NCKAP1: variants seen among roughly 807,000 people sequenced by gnomAD.
The protein encoded by NCKAP1 is nck-associated protein 1.
A neutral mutation model predicts 151.2 loss-of-function variants in NCKAP1; 21 were observed. The observed-to-expected ratio is 0.14, with a 90% CI of 0.10 to 0.20. The LOEUF (loss-of-function observed/expected upper bound fraction) is 0.20, where lower values mean the gene tolerates loss of function less well. Among genes scored for constraint, NCKAP1 ranks in the 10% least tolerant of loss-of-function variants. The pLI is 1.00. For missense variants in NCKAP1, 933 were observed against 1,352.1 expected, an observed-to-expected ratio of 0.69 and a Z score of 4.86; for synonymous variants, 484 against 451.8, an observed-to-expected ratio of 1.07 and a Z score of -0.90.
chr2:182,989,550 TA>T (rs997392856), intron 8 of NCKAP1, among the ~76,000 whole-genome samples: 1 of 152,126 alleles, frequency 6.6e-6, no homozygotes, highest in Non-Finnish European at 1.5e-5. Flanking sequence ...AACTTAAAAA[TA>T]AAGCTTATCT....
In NCKAP1 at chr2:182,942,150, T is replaced by G; in HGVS notation, c.2615A>C (p.Glu872Ala). Residue 872 changes from glutamate (E) to alanine (A), a missense_variant, in exon 24 of 31, where the codon GAG becomes GCG. Around this residue, in one of 2 missense-constraint regions of NCKAP1, gnomAD observed 326 missense variants for 557.1 expected, o/e 0.59. Coordinates refer to ENST00000361354, the MANE Select transcript of NCKAP1 (RefSeq NM_013436.5). The part of the protein sequence containing the change: ...QVAELKKLVV[E>A]NVDVLTQMRT... ...CATTTGTGTTAACACATCAACATTC[T>G]CCACCACAAGTTTCTAAAAAAAAAA... 1 of 1,611,970 alleles carries G rather than the reference T, an allele frequency of 6.2e-7. No individual in the cohort carries two copies. The highest frequency in any genetic ancestry group is 8.5e-7 in the Non-Finnish European group (1 of 1,178,812).
chr2:183,016,573 C>T (rs1698692386), intron 2 of NCKAP1, among the ~76,000 whole-genome samples: 1 of 152,154 alleles, frequency 6.6e-6, no homozygotes, highest in Non-Finnish European at 1.5e-5. Context: ...TATATTTATT[C>T]ATGATGCTGT....
chr2:183,025,732 C>T (rs1698882333), intron 1 of NCKAP1, among the ~76,000 whole-genome samples: 1 of 151,980 alleles, frequency 6.6e-6, no homozygotes, highest in Non-Finnish European at 1.5e-5. Context: ...AATATAATAG[C>T]TAAGAATAAT....
intron 30 of NCKAP1, 38 bp downstream of exon 30, chr2:182,926,778 A>G (rs1696656810): frequency 2.2e-6 from 3 of 1,370,560 alleles, no homozygotes; most frequent in Non-Finnish European, 3.0e-6. Context: ...AACGACTGGA[A>G]CTTTTTTATT....
chr2:183,001,568 T>C (rs1023780556), intron 6 of NCKAP1, among the ~76,000 whole-genome samples: 5 of 151,192 alleles, frequency 3.3e-5, no homozygotes, highest in African/African-American at 9.8e-5. Context: ...TATTATTCCA[T>C]TTTTACTGAT....
Position 182,921,389 on chromosome 2 carries a change from G to A in NCKAP1, c.*4313C>T, listed in dbSNP as rs549248307. The A allele has an allele frequency of 1.3e-5, 2 of 152,296 alleles. No homozygotes were observed. Among genetic ancestry groups the A allele is most frequent in the African/African-American group, 4.8e-5 (2 of 41,584 alleles). 9.4% of individuals were successfully genotyped at this position (152,296 alleles called of 1,614,324 possible). A position where few individuals can be genotyped will look rare whatever the true frequency, so the allele number is the denominator to read the frequency against. ...AGCCATTGGCATTTGGTCAGTATGT[G>A]TATGTAGTGTACTATGAATGTGACT... On this transcript the variant is annotated 3_prime_UTR_variant, in exon 31 of 31. Transcript: ENST00000361354.
At chr2:182,935,244 T>TA in intron 25 of NCKAP1, 49 bp downstream of exon 25, 1 of 1,248,476 alleles carries the variant, frequency 8.0e-7, no homozygotes, top group Non-Finnish European at 1.1e-6. Context: ...TCTGAGAAAT[T>TA]AAAAGGGATT....
chr2:183,023,764 A>G (rs768417201), intron 2 of NCKAP1, 42 bp downstream of exon 2: 14 of 1,468,768 alleles, frequency 9.5e-6, no homozygotes, highest in Non-Finnish European at 1.3e-5. Context: ...TTTCTCTAAA[A>G]GATGCTTAAA....
rs769578927 is a variant in NCKAP1 at position 182,967,412 on chromosome 2, G to A, written c.1483-51C>T. The A allele has an allele frequency of 3.6e-5, 54 of 1,483,012 alleles. No individual in the cohort carries two copies. The East Asian group carries it at 4.6e-4, about 13-fold the overall frequency. 91.9% of individuals were successfully genotyped at this position (1,483,012 alleles called of 1,614,324 possible). On this transcript the variant is annotated intron_variant, in intron 15 of 30. Transcript: ENST00000361354. ...AGTTCAGGTAAACATAAATGACTTC[G>A]GACTTGTCATTTTACAGGGGGAAAA...
chr2:183,032,176 A>G (rs1012120036), intron 1 of NCKAP1, among the ~76,000 whole-genome samples: 3 of 152,194 alleles, frequency 2.0e-5, no homozygotes, highest in Non-Finnish European at 4.4e-5. Context: ...CTCACTTTGT[A>G]AGTAACCTAC....
At chr2:182,928,309 T>A in intron 28 of NCKAP1, 83 bp from the exon 29 acceptor site, 2 of 936,386 alleles carry the variant, frequency 2.1e-6, no homozygotes, top group Non-Finnish European at 3.3e-6. Context: ...CTTCACAATC[T>A]GCATAAATAG....
Position 182,926,386 on chromosome 2 carries a change from G to A in NCKAP1, c.3270+430C>T, listed in dbSNP as rs73042175. ...TAACTCTAAGTGGGGAAAGAGCCAC[G>A]TGGTAGAAACAAGCAAGAGCTGGTT... On this transcript the variant is annotated intron_variant, in intron 30 of 30. Transcript: ENST00000361354. Among the ~76,000 whole-genome samples the A allele has an allele frequency of 7.4e-3, 1,119 of 152,034 alleles. 16 individuals carry two copies. Among genetic ancestry groups the A allele is most frequent in the African/African-American group, 0.025 (1,051 of 41,514 alleles).
At chr2:182,978,979 A>C in intron 13 of NCKAP1, 64 bp from the exon 14 acceptor site, 1 of 1,091,648 alleles carries the variant, frequency 9.2e-7, no homozygotes, top group South Asian at 1.4e-5. Context: ...CAGGTCTATC[A>C]ATTAGTGGAC....
intron 18 of NCKAP1, among the ~76,000 whole-genome samples, chr2:182,961,444 C>G (rs973063254): frequency 2.0e-4 from 30 of 152,146 alleles, no homozygotes; most frequent in African/African-American, 7.0e-4. Flanking sequence ...ATGGGTGAAG[C>G]TGGAAACCAT....
chr2:183,037,508 T>C (rs966604924), intron 1 of NCKAP1, among the ~76,000 whole-genome samples: 1 of 152,176 alleles, frequency 6.6e-6, no homozygotes, highest in Non-Finnish European at 1.5e-5. Flanking sequence ...ATTCATCCAA[T>C]CAGCCCTTCT....
chr2:182,990,120 T>C (rs573175343), intron 8 of NCKAP1, among the ~76,000 whole-genome samples: 67 of 152,106 alleles, frequency 4.4e-4, no homozygotes, highest in African/African-American at 1.5e-3. Context: ...TTAATAGCAA[T>C]TTATAGTTCA....
chr2:182,929,826 A>G (rs951066143), intron 27 of NCKAP1, among the ~76,000 whole-genome samples: 1 of 151,408 alleles, frequency 6.6e-6, no homozygotes, highest in African/African-American at 2.4e-5. Context: ...CAGAAGGGGC[A>G]TTTTAGTAGT....
intron 1 of NCKAP1, chr2:183,024,845 C>CA: frequency 1.1e-6 from 1 of 935,314 alleles, no homozygotes; most frequent in East Asian, 2.7e-5. Flanking sequence ...TGAGGAAATA[C>CA]ACTACTGCAA....
At chr2:182,938,651 G>A (rs2105808082) in intron 24 of NCKAP1, among the ~76,000 whole-genome samples, 1 of 152,296 alleles carries the variant, frequency 6.6e-6, no homozygotes, top group East Asian at 1.9e-4. Flanking sequence ...GACTTAAAAA[G>A]TGTTATTTCA....
Sources: allele counts gnomAD v4.1 joint callset (sites outside exome capture counted in the v4.1 genomes callset), GRCh38; gene constraint gnomAD v4.1.1; regional missense constraint gnomAD v4.1.1; transcripts MANE v1.5; gene names NCBI Gene and HGNC (gene_info 2026-07-23, HGNC 2026-07-21).